Variants in PCDHGB1 observed in about 807,000 individuals in gnomAD.
PCDHGB1 encodes protocadherin gamma-B1.
PCDHGB1 carries 34 observed loss-of-function variants against 56.6 expected under a neutral mutation model. That is an observed-to-expected ratio of 0.60 (90% CI 0.46 to 0.80). The LOEUF is 0.80. PCDHGB1 is among the 30% of genes least tolerant of loss of function. PCDHGB1 has a pLI of 0.00. For synonymous variants in PCDHGB1, 561 were observed against 505.9 expected, an observed-to-expected ratio of 1.11 and a Z score of -1.46; for missense variants, 1,278 against 1,204.6, an observed-to-expected ratio of 1.06 and a Z score of -0.90.
Position 141,356,227 on chromosome 5 carries a change from A to T in PCDHGB1, c.2409+3558A>T, listed in dbSNP as rs1760158327. 5 of 1,593,622 alleles carry T rather than the reference A, an allele frequency of 3.1e-6. No homozygotes were observed. In the East Asian group the frequency reaches 1.1e-4, roughly 36 times the overall value. On this transcript the variant is annotated intron_variant, in intron 1 of 3. Coordinates refer to ENST00000523390, the MANE Select transcript of PCDHGB1 (RefSeq NM_018922.3). ...GGTGACAGTTCTGGATGAAAATGAC[A>T]ACGCACCAGAAGTCACAGTTACATC... is the stretch of plus-strand genomic sequence containing the variant.
chr5:141,372,619 C>A, intron 1 of PCDHGB1: 1 of 1,613,968 alleles, frequency 6.2e-7, no homozygotes, highest in South Asian at 1.1e-5. Context: ...GTTCTCCCCA[C>A]CTACAGCGAA....
rs1208651808 is a variant in PCDHGB1 at position 141,350,561 on chromosome 5, C to G, written c.301C>G (p.Leu101Val). The G allele has an allele frequency of 6.2e-7, 1 of 1,614,010 alleles. No individual in the cohort carries two copies. The stretch of plus-strand genomic sequence containing the variant: ...TTGCGGAAGGAAACTTGAGTGTGCA[C>G]TAGAATTCGAAACGGTCGCTGAAAA... Reference protein sequence around the residue: ...KICGRKLECALEFETVAENPM... With the variant: ...KICGRKLECAVEFETVAENPM... The change falls in exon 1 of 4, where the codon CTA becomes GTA. Residue 101 changes from leucine (L) to valine (V), a missense_variant. Coordinates refer to ENST00000523390, the MANE Select transcript of PCDHGB1 (RefSeq NM_018922.3).
At position 141,493,061 on chromosome 5, in the gene PCDHGB1, C is replaced by G. The variant is rs1386090478; in HGVS notation, c.2410-1746C>G. On this transcript the variant is annotated intron_variant, in intron 1 of 3. Transcript: ENST00000523390. The surrounding 1 kb of genome is among the most constrained non-coding windows in gnomAD (Gnocchi z 4.3). The stretch of plus-strand genomic sequence containing the variant: ...GAGGAAACTACAATAGTAAAAAACA[C>G]AAGTTTCTCCAACTCCAGGAGCTTT... Among the ~76,000 whole-genome samples the G allele has an allele frequency of 6.6e-6, 1 of 152,228 alleles. No individual in the cohort carries two copies. Among genetic ancestry groups the G allele is most frequent in the African/African-American group, 2.4e-5 (1 of 41,446 alleles).
In PCDHGB1 at chr5:141,422,312, C is replaced by T; in HGVS notation, c.2409+69643C>T. On this transcript the variant is annotated intron_variant, in intron 1 of 3. Coordinates refer to ENST00000523390, the MANE Select transcript of PCDHGB1 (RefSeq NM_018922.3). ...ATTAATTCAATTCTGGAAAACTCTC[C>T]TCCAGGTACAGTGATTGCTCTTCTA... The T allele has an allele frequency of 1.9e-6, 3 of 1,547,444 alleles. No individual in the cohort carries two copies. Among genetic ancestry groups the T allele is most frequent in the Non-Finnish European group, 1.7e-6 (2 of 1,153,976 alleles).
In PCDHGB1 at chr5:141,375,718, C is replaced by A. The variant is rs888006407; in HGVS notation, c.2409+23049C>A. 9 of 1,614,152 alleles carry A rather than the reference C, an allele frequency of 5.6e-6. No homozygotes were observed. Among genetic ancestry groups the A allele is most frequent in the African/African-American group, 1.3e-5 (1 of 74,952 alleles). ...GCGGGGACCCGCCTCTTAGCAGCAA[C>A]GTGTCACTGAGCCTGTTTGTGCTGG... On this transcript the variant is annotated intron_variant, in intron 1 of 3. Transcript: ENST00000523390.
At chr5:141,356,028 C>T (rs1377135804) in intron 1 of PCDHGB1, 4 of 1,613,814 alleles carry the variant, frequency 2.5e-6, no homozygotes, top group African/African-American at 1.3e-5. Flanking sequence ...CCAATGGAGA[C>T]GTGACGTATT....
At chr5:141,392,815 T>G (rs1361544072) in intron 1 of PCDHGB1, 1 of 1,586,560 alleles carries the variant, frequency 6.3e-7, no homozygotes, top group South Asian at 1.1e-5. Flanking sequence ...AAAACAACAA[T>G]GGCCGCTCCA....
At position 141,431,754 on chromosome 5, in the gene PCDHGB1, A is replaced by C; in HGVS notation, c.2410-63053A>C. ...AATGCAGGATATTCTGCGCGAGCCA[A>C]AGTCCTGATCACTGTTCTGGACGTG... On this transcript the variant is annotated intron_variant, in intron 1 of 3. Transcript: ENST00000523390. The surrounding 1 kb of genome is among the most constrained non-coding windows in gnomAD (Gnocchi z 4.8). The C allele has an allele frequency of 6.2e-7, 1 of 1,614,208 alleles. No individual in the cohort carries two copies. Among genetic ancestry groups the C allele is most frequent in the Middle Eastern group, 1.6e-4 (1 of 6,062 alleles).
chr5:141,389,718 C>G, intron 1 of PCDHGB1: 5 of 1,612,622 alleles, frequency 3.1e-6, no homozygotes, highest in Non-Finnish European at 4.2e-6. Flanking sequence ...GGCTAGCGAG[C>G]CCGGGCTCTT....
chr5:141,352,839 T>G (rs932260905), intron 1 of PCDHGB1, 170 bp downstream of exon 1: 1 of 717,666 alleles, frequency 1.4e-6, no homozygotes, highest in African/African-American at 1.8e-5. Context: ...ATTACAAAAA[T>G]TAGTTGGGTG....
intron 1 of PCDHGB1, chr5:141,371,977 T>C (rs1768257593): frequency 1.2e-6 from 2 of 1,613,238 alleles, no homozygotes; most frequent in Non-Finnish European, 1.7e-6. Context: ...CTGCGTGCCT[T>C]CGAGCTCACT....
At chr5:141,488,866 G>A (rs957501628) in intron 1 of PCDHGB1, among the ~76,000 whole-genome samples, 1 of 152,148 alleles carries the variant, frequency 6.6e-6, no homozygotes, top group African/African-American at 2.4e-5. Flanking sequence ...GAAGTGAGTG[G>A]GGAGGTAGGA....
intron 1 of PCDHGB1, chr5:141,403,694 C>A (rs746395931): frequency 2.5e-6 from 4 of 1,613,878 alleles, no homozygotes; most frequent in Admixed American, 1.7e-5. Context: ...ACGGATTTAC[C>A]GAGTTAAAGT....
chr5:141,455,140 A>G (rs1465733732), intron 1 of PCDHGB1, among the ~76,000 whole-genome samples: 1 of 150,512 alleles, frequency 6.6e-6, no homozygotes, highest in Non-Finnish European at 1.5e-5. Context: ...ACACTGTGTT[A>G]AATAAATATT....
chr5:141,350,772 C>A lies in PCDHGB1; in HGVS notation c.512C>A (p.Pro171His). 1 of 1,613,910 alleles carries A rather than the reference C, an allele frequency of 6.2e-7. No homozygotes were observed. The highest frequency in any genetic ancestry group is 1.1e-5 in the South Asian group (1 of 91,088). ...GNSLKLYTINPNQYFSLSTKE... is the reference protein window; with the variant it reads ...GNSLKLYTINHNQYFSLSTKE... ...TCACTGAAGTTATACACCATCAACC[C>A]CAATCAATACTTCTCTCTGTCAACG... Residue 171 changes from proline to histidine, a missense_variant, in exon 1 of 4, where the codon CCC (proline) becomes CAC (histidine). Pro to His is a moderately conservative substitution (Grantham distance 77). Transcript: ENST00000523390.
intron 1 of PCDHGB1, chr5:141,393,455 C>T (rs1007871650): frequency 2.1e-5 from 34 of 1,613,942 alleles, no homozygotes; most frequent in Non-Finnish European, 2.9e-5. Flanking sequence ...TCCTCACGGC[C>T]TCGGATGGCG....
chr5:141,388,412 T>A, intron 1 of PCDHGB1: 1 of 1,613,870 alleles, frequency 6.2e-7, no homozygotes, highest in Non-Finnish European at 8.5e-7. Context: ...GTCCCAGTGA[T>A]CATTTCTCAC....
chr5:141,392,101 C>G (rs1234202076), intron 1 of PCDHGB1: 1 of 152,130 alleles, frequency 6.6e-6, no homozygotes, highest in Non-Finnish European at 1.5e-5. Context: ...AATTTAAAAG[C>G]AACAACTCTA....
At chr5:141,478,812 A>G (rs952753762) in intron 1 of PCDHGB1, 16 of 1,453,436 alleles carry the variant, frequency 1.1e-5, no homozygotes, top group Non-Finnish European at 1.4e-5. Flanking sequence ...TTGCTATCAC[A>G]ACTAACCAAT....
Sources: gnomAD v4.1 joint callset for allele counts (sites outside exome capture counted in the v4.1 genomes callset) on GRCh38, gnomAD v4.1.1 for gene constraint, Gnocchi (gnomAD v3.1) non-coding constraint, MANE v1.5 for transcripts, NCBI Gene and HGNC (gene_info 2026-07-23, HGNC 2026-07-21) for gene names.